MEG3: variants seen among roughly 807,000 people sequenced by gnomAD.
MEG3 encodes Very putative protein from MEG3 locus.
At chr14:100,841,672 G>A (rs1333684748) in intron 2 of MEG3, among the ~76,000 whole-genome samples, 1 of 152,236 alleles carries the variant, frequency 6.6e-6, no homozygotes, top group Admixed American at 6.5e-5. Context: ...ATTAGTGTGG[G>A]TCAGAGCTCT....
exon 2 of MEG3, chr14:100,860,858 C>A (rs1005718930): frequency 2.7e-6 from 1 of 364,460 alleles, no homozygotes; most frequent in African/African-American, 2.1e-5. Context: ...CCGCAGGAAC[C>A]CTGAGGCCTA....
At position 100,843,787 on chromosome 14, in the gene MEG3, A is replaced by T. The variant is rs563437797; in HGVS notation, n.3046-1671A>T. Among the ~76,000 whole-genome samples, 5 of 146,830 alleles carry T rather than the reference A, an allele frequency of 3.4e-5. No homozygotes were observed. In the South Asian group the frequency reaches 1.1e-3, roughly 32 times the overall value. ...GCGGCAGTCTTGGGAGCCCCTGAAG[A>T]CCTGCAGTGGGGCAGGCAGCTGGAG... On this transcript the variant is annotated intron_variant and non_coding_transcript_variant, in intron 2 of 3. Coordinates refer to the MEG3 transcript ENST00000398461.
chr14:100,843,136 G>T (rs757885201), intron 2 of MEG3, among the ~76,000 whole-genome samples: 1 of 152,160 alleles, frequency 6.6e-6, no homozygotes, highest in Non-Finnish European at 1.5e-5. Flanking sequence ...AATTAAGGAC[G>T]GTCAGGGACT....
exon 1 of MEG3, chr14:100,834,443 C>A (rs1485166177): frequency 3.6e-6 from 1 of 276,768 alleles, no homozygotes; most frequent in African/African-American, 2.2e-5. Flanking sequence ...CAAAAGTTAA[C>A]TCCCCACGTC....
At chr14:100,844,764 G>A (rs1341794627) in intron 2 of MEG3, among the ~76,000 whole-genome samples, 1 of 152,084 alleles carries the variant, frequency 6.6e-6, no homozygotes, top group African/African-American at 2.4e-5. Context: ...CATTTTGGGA[G>A]TATTCTGAAC....
chr14:100,838,775 C>G (rs2037665536), intron 2 of MEG3, among the ~76,000 whole-genome samples: 2 of 152,052 alleles, frequency 1.3e-5, no homozygotes, highest in African/African-American at 4.8e-5. Flanking sequence ...CCTGCCCGCC[C>G]TGGGTGGTTG....
upstream of MEG3, chr14:100,855,741 C>T (rs1362531816): frequency 6.6e-6 from 1 of 152,234 alleles, no homozygotes. Context: ...TGCCGCATTG[C>T]CTTTTGAAAC....
chr14:100,846,173 C>T (rs1284635691), intron 3 of MEG3: 1 of 152,248 alleles, frequency 6.6e-6, no homozygotes, highest in East Asian at 1.9e-4. Flanking sequence ...ACAAAGCCAC[C>T]TATTTAAAAA....
Position 100,835,942 on chromosome 14 carries a change from C to T in MEG3, n.2911+63C>T, listed in dbSNP as rs143286545. 7 of 326,152 alleles carry T rather than the reference C, an allele frequency of 2.1e-5. No homozygotes were observed. The East Asian group carries it at 2.9e-4, about 14-fold the overall frequency. 20.2% of individuals were successfully genotyped at this position (326,152 alleles called of 1,614,324 possible). A position where few individuals can be genotyped will look rare whatever the true frequency, so the allele number is the denominator to read the frequency against. Reference sequence around the variant, plus strand: ...GCCCTGAGAGTCCTGGGCTCTGCCCCGCCCGGTCCCTTGCTCCCCACTCAG... The same window carrying T: ...GCCCTGAGAGTCCTGGGCTCTGCCCTGCCCGGTCCCTTGCTCCCCACTCAG... On this transcript the variant is annotated intron_variant and non_coding_transcript_variant, in intron 1 of 3. Transcript: ENST00000398461.
intron 2 of MEG3, among the ~76,000 whole-genome samples, chr14:100,841,531 G>C (rs531556972): frequency 1.1e-4 from 17 of 152,336 alleles, no homozygotes; most frequent in African/African-American, 4.1e-4. Flanking sequence ...GGGGAAACCA[G>C]CGATCCCAGA....
chr14:100,838,732 C>T (rs1325616654), intron 2 of MEG3, among the ~76,000 whole-genome samples: 2 of 152,034 alleles, frequency 1.3e-5, no homozygotes, highest in East Asian at 1.9e-4. Flanking sequence ...GTAAAGACGG[C>T]GGTCTGGTCT....
At chr14:100,860,534 TG>T (rs1337804257) in intron 1 of MEG3, among the ~76,000 whole-genome samples, 1 of 152,106 alleles carries the variant, frequency 6.6e-6, no homozygotes, top group African/African-American at 2.4e-5. Flanking sequence ...AGCTGGTGGC[TG>T]GGTGCTCCCC....
chr14:100,843,487 C>A (rs925920198), intron 2 of MEG3, among the ~76,000 whole-genome samples: 4 of 150,520 alleles, frequency 2.7e-5, no homozygotes, highest in Non-Finnish European at 5.9e-5. Flanking sequence ...CCCTCAGTCA[C>A]CCATGCACTG....
At chr14:100,860,760 G>C (rs989893488) in exon 2 of MEG3, 2 of 454,290 alleles carry the variant, frequency 4.4e-6, no homozygotes, top group Middle Eastern at 3.3e-4. Flanking sequence ...CTCTGGACCC[G>C]GGGCCTCCCC....
rs1364700958 is a variant in MEG3 at position 100,845,559 on chromosome 14, C to T, written n.3121+26C>T. ...GTAAGTGGCTGGAGTGTAAAGAACA[C>T]ACATGTGGCCTTGCTGCTGAGGGTG... On this transcript the variant is annotated intron_variant and non_coding_transcript_variant, in intron 3 of 3. Transcript: ENST00000398461. This position sits in a 1 kb window ranked among gnomAD's most constrained non-coding sequence, Gnocchi z 5.2. 1 of 454,498 alleles carries T rather than the reference C, an allele frequency of 2.2e-6. No homozygotes were observed. The highest frequency in any genetic ancestry group is 4.4e-6 in the Non-Finnish European group (1 of 225,776). The allele number at this position is 454,498 out of a possible 1,614,324, so 28.2% of individuals were successfully genotyped here. A position where few individuals can be genotyped will look rare whatever the true frequency, so the allele number is the denominator to read the frequency against.
At chr14:100,826,501 G>C (rs2037234852) in intron 1 of MEG3, 1 of 152,292 alleles carries the variant, frequency 6.6e-6, no homozygotes, top group Non-Finnish European at 1.5e-5. Context: ...GGAGCGGGAG[G>C]AATCAGATGG....
intron 3 of MEG3, chr14:100,848,797 G>C (rs183069913): frequency 6.6e-6 from 1 of 152,176 alleles, no homozygotes; most frequent in Non-Finnish European, 1.5e-5. Context: ...GAAAAGGAGT[G>C]AGGAATGGGA....
exon 1 of MEG3, chr14:100,859,851 G>A (rs918619748): frequency 2.6e-5 from 4 of 152,172 alleles, no homozygotes; most frequent in Admixed American, 6.5e-5. Flanking sequence ...GAGAATTCTC[G>A]CTGCATGCCG....
chr14:100,835,162 C>T (rs962815173), exon 1 of MEG3: 1 of 257,898 alleles, frequency 3.9e-6, no homozygotes, highest in Admixed American at 4.7e-5. Context: ...GAGCCAGCCC[C>T]TTCTCCCTCT....
Sources: gnomAD v4.1 joint callset for allele counts (sites outside exome capture counted in the v4.1 genomes callset) on GRCh38, gnomAD v4.1.1 for gene constraint, Gnocchi (gnomAD v3.1) non-coding constraint, MANE v1.5 for transcripts, NCBI Gene and HGNC (gene_info 2026-07-23, HGNC 2026-07-21) for gene names.